CRYBB1: variants seen among roughly 807,000 people sequenced by gnomAD.
CRYBB1 encodes the protein crystallin beta B1, also known as beta-crystallin B1.
A neutral mutation model predicts 29.5 loss-of-function variants in CRYBB1; 16 were observed. The observed-to-expected ratio is 0.54, with a 90% CI of 0.37 to 0.82. The LOEUF (loss-of-function observed/expected upper bound fraction) is 0.82. Among genes scored for constraint, CRYBB1 ranks in the 40% least tolerant of loss-of-function variants. CRYBB1 has a pLI of 0.00. For missense variants in CRYBB1, 300 were observed against 350.5 expected (o/e 0.86, Z 1.15); for synonymous variants, 127 against 136.7 (o/e 0.93, Z 0.49).
chr22:26,601,581 C>T (rs773578939), intron 5 of CRYBB1, among the ~76,000 whole-genome samples: 20 of 145,404 alleles, frequency 1.4e-4, no homozygotes, highest in African/African-American at 4.9e-4. Context: ...ACATCAGCGC[C>T]GGCCCTTTTA....
intron 4 of CRYBB1, among the ~76,000 whole-genome samples, chr22:26,604,897 A>C (rs1435906829): frequency 6.6e-6 from 1 of 152,088 alleles, no homozygotes. Context: ...GTCAAGACTG[A>C]ACTTGCCACC....
At chr22:26,604,966 C>T (rs900635810) in intron 4 of CRYBB1, among the ~76,000 whole-genome samples, 1 of 152,140 alleles carries the variant, frequency 6.6e-6, no homozygotes, top group Non-Finnish European at 1.5e-5. Flanking sequence ...CATCTTGCCT[C>T]CCTCTTTCCT....
chr22:26,613,397 C>T (rs944712159), intron 2 of CRYBB1, among the ~76,000 whole-genome samples: 8 of 152,170 alleles, frequency 5.3e-5, no homozygotes, highest in Admixed American at 6.5e-5. Context: ...CGGGATGTTG[C>T]GGGAAGTCAG....
At chr22:26,603,580 T>C (rs914680193) in intron 4 of CRYBB1, among the ~76,000 whole-genome samples, 5 of 151,184 alleles carry the variant, frequency 3.3e-5, no homozygotes, top group African/African-American at 1.2e-4. Flanking sequence ...GGGATTGTCA[T>C]GGCTACTCAA....
At chr22:26,600,675 A>G (rs1374506511) in intron 5 of CRYBB1, among the ~76,000 whole-genome samples, 2 of 152,240 alleles carry the variant, frequency 1.3e-5, no homozygotes, top group Non-Finnish European at 2.9e-5. Flanking sequence ...GTAAGCACTC[A>G]ATAGAAGTTA....
At chr22:26,611,551 T>C (rs1382303621) in intron 3 of CRYBB1, among the ~76,000 whole-genome samples, 1 of 149,908 alleles carries the variant, frequency 6.7e-6, no homozygotes, top group Non-Finnish European at 1.5e-5. Context: ...CTCGGCTCAC[T>C]GCAAGCTCCG....
intron 3 of CRYBB1, among the ~76,000 whole-genome samples, chr22:26,611,071 T>C (rs1279980838): frequency 2.0e-5 from 3 of 152,128 alleles, no homozygotes; most frequent in Non-Finnish European, 2.9e-5. Context: ...ATCCCTGTTT[T>C]ATATGGGAGT....
intron 3 of CRYBB1, among the ~76,000 whole-genome samples, chr22:26,611,477 T>G (rs931678731): frequency 2.0e-5 from 3 of 148,406 alleles, no homozygotes; most frequent in African/African-American, 2.4e-5. Flanking sequence ...TTGTTTTTTT[T>G]TTTTTTTTGA....
chr22:26,602,573 A>G (rs1291046787), intron 4 of CRYBB1, among the ~76,000 whole-genome samples: 2 of 151,218 alleles, frequency 1.3e-5, no homozygotes, highest in South Asian at 2.1e-4. Flanking sequence ...CCTGGGTGAC[A>G]GAGCAAGACC....
At chr22:26,615,481 C>T (rs1285700662) in intron 2 of CRYBB1, among the ~76,000 whole-genome samples, 1 of 152,010 alleles carries the variant, frequency 6.6e-6, no homozygotes, top group Non-Finnish European at 1.5e-5. Flanking sequence ...GTTGTTATTG[C>T]ACAACTCAAC....
rs779127242 is a variant in CRYBB1, at chr22:26,603,125, C to CAA, written c.433-1106_433-1105dup. On this transcript the variant is annotated intron_variant, in intron 4 of 5. Coordinates refer to ENST00000647684, the MANE Select transcript of CRYBB1 (RefSeq NM_001887.4). The stretch of plus-strand genomic sequence containing the variant: ...TGGGCAACAGAGCGAGACTCCGTCT[C>CAA]AAAAAAAAAAAAAAAAAAACAAAAA... 3.4e-3 allele frequency among the ~76,000 whole-genome samples: 233 copies of CAA among 69,130 alleles called. 3 individuals carry two copies. Among genetic ancestry groups the CAA allele is most frequent in the African/African-American group, 6.6e-3 (126 of 19,174 alleles). 45.4% of individuals were successfully genotyped at this position (69,130 alleles called of 152,430 possible).
intron 5 of CRYBB1, among the ~76,000 whole-genome samples, chr22:26,600,294 C>T (rs938637098): frequency 2.6e-5 from 4 of 151,670 alleles, no homozygotes; most frequent in African/African-American, 7.3e-5. Context: ...CCCAGCTACT[C>T]GGGAGACTGA....
At chr22:26,614,841 C>A (rs368471495) in intron 2 of CRYBB1, among the ~76,000 whole-genome samples, 1 of 151,904 alleles carries the variant, frequency 6.6e-6, no homozygotes, top group African/African-American at 2.4e-5. Flanking sequence ...ATAAATAAAA[C>A]AAGTAAATAA....
rs1928751660 is a variant in CRYBB1, at chr22:26,599,391, A to G, written c.*99T>C. ...ACACATCTGTTTACAGATCCAGGAG[A>G]AATTTTGGCTTTAGGGAATTTTATT... is the stretch of plus-strand genomic sequence containing the variant. On this transcript the variant is annotated 3_prime_UTR_variant, in exon 6 of 6. Transcript: ENST00000647684. 4.9e-6 allele frequency: 6 copies of G among 1,231,252 alleles called. No individual in the cohort carries two copies. Among genetic ancestry groups the G allele is most frequent in the Non-Finnish European group, 7.0e-6 (6 of 861,568 alleles). 76.3% of individuals were successfully genotyped at this position (1,231,252 alleles called of 1,614,324 possible).
At chr22:26,608,440 C>T (rs112195121) in intron 3 of CRYBB1, among the ~76,000 whole-genome samples, 1 of 152,184 alleles carries the variant, frequency 6.6e-6, no homozygotes, top group Admixed American at 6.5e-5. Flanking sequence ...GTTAATGTGC[C>T]TTTAACACTT....
At position 26,612,651 on chromosome 22, in the gene CRYBB1, C is replaced by A. The variant is rs992211446; in HGVS notation, c.181-461G>T. 4.6e-5 allele frequency among the ~76,000 whole-genome samples: 7 copies of A among 152,240 alleles called. No individual in the cohort carries two copies. In the East Asian group the frequency reaches 9.6e-4, roughly 21 times the overall value. On this transcript the variant is annotated intron_variant, in intron 2 of 5. Transcript: ENST00000647684. ...TACAGGCATGAGCCATTGCACCTGGCCTCATGCCCTAATTCTGAAGCTAAG... is the reference window on the plus strand; with the variant it reads ...TACAGGCATGAGCCATTGCACCTGGACTCATGCCCTAATTCTGAAGCTAAG...
chr22:26,615,315 T>G (rs1478030532), intron 2 of CRYBB1, among the ~76,000 whole-genome samples: 1 of 152,158 alleles, frequency 6.6e-6, no homozygotes, highest in Non-Finnish European at 1.5e-5. Flanking sequence ...GCTGCCCCAG[T>G]GAGCCTCCAA....
chr22:26,611,469 G>GTT (rs796631077), intron 3 of CRYBB1, among the ~76,000 whole-genome samples: 35 of 133,300 alleles, frequency 2.6e-4, no homozygotes, highest in Non-Finnish European at 4.1e-4. Flanking sequence ...TTTTTTTTTT[G>GTT]TTTTTTTTTT....
chr22:26,601,652 T>C (rs1254225065), intron 5 of CRYBB1, among the ~76,000 whole-genome samples: 1 of 151,110 alleles, frequency 6.6e-6, no homozygotes, highest in East Asian at 2.0e-4. Flanking sequence ...ATCTAACAGC[T>C]TTTTAGAGCT....
Sources: allele counts gnomAD v4.1 joint callset (sites outside exome capture counted in the v4.1 genomes callset), GRCh38; gene constraint gnomAD v4.1.1; transcripts MANE v1.5; gene names NCBI Gene and HGNC (gene_info 2026-07-23, HGNC 2026-07-21).